Variants in VAV2 observed in about 807,000 individuals in gnomAD.
The protein encoded by VAV2 is vav guanine nucleotide exchange factor 2.
Under a neutral mutation model 132.5 loss-of-function variants are expected in VAV2, and 67 were observed. That is an observed-to-expected ratio of 0.51 (90% CI 0.42 to 0.62). The LOEUF is 0.62. VAV2 is among the 20% of genes least tolerant of loss of function. The pLI is 0.00. For missense variants in VAV2, 938 were observed against 1,153.6 expected (o/e 0.81, Z 2.71); for synonymous variants, 492 against 443.5 (o/e 1.11, Z -1.37).
intron 2 of VAV2, among the ~76,000 whole-genome samples, chr9:133,904,602 C>A (rs4744525): frequency 0.082 from 12,550 of 152,354 alleles, 584 homozygotes; most frequent in Non-Finnish European, 0.11. Flanking sequence ...TGCAGGCATG[C>A]AGCACACCCT....
At chr9:133,847,906 G>A (rs554061742) in intron 3 of VAV2, among the ~76,000 whole-genome samples, 7 of 152,234 alleles carry the variant, frequency 4.6e-5, no homozygotes, top group Non-Finnish European at 7.4e-5. Flanking sequence ...GCCAAAAACC[G>A]TGCTGATCAC....
chr9:133,937,455 CTGAG>C (rs71380204), intron 2 of VAV2, among the ~76,000 whole-genome samples: 20,520 of 148,030 alleles, frequency 0.14, 1,722 homozygotes, highest in Non-Finnish European at 0.19. Flanking sequence ...CTGTGTGTGT[CTGAG>C]TGTGAGTGTG....
chr9:133,973,258 C>T (rs1426349113), intron 1 of VAV2, among the ~76,000 whole-genome samples: 2 of 152,196 alleles, frequency 1.3e-5, no homozygotes, highest in Non-Finnish European at 2.9e-5. Flanking sequence ...CCGCCCAGAG[C>T]GTCAACCCCC....
intron 1 of VAV2, among the ~76,000 whole-genome samples, chr9:133,987,570 G>A (rs1395645121): frequency 6.6e-6 from 1 of 152,272 alleles, no homozygotes; most frequent in African/African-American, 2.4e-5. Flanking sequence ...GTGGAGGTGG[G>A]GGACAGACTC....
rs1839923705 is a variant in VAV2 at position 133,912,632 on chromosome 9, C to T, written c.321+26471G>A. Among the ~76,000 whole-genome samples, 1 of 152,160 alleles carries T rather than the reference C, an allele frequency of 6.6e-6. No homozygotes were observed. The highest frequency in any genetic ancestry group is 6.5e-5 in the Admixed American group (1 of 15,276). ...CGGAACACAAATTACACGTGTGATG[C>T]TCTTCTCCACGTGTGCACAGCACTC... is the stretch of plus-strand genomic sequence containing the variant. On this transcript the variant is annotated intron_variant, in intron 2 of 29. Coordinates refer to ENST00000371850, the MANE Select transcript of VAV2 (RefSeq NM_001134398.2). The surrounding 1 kb of genome is among the most constrained non-coding windows in gnomAD (Gnocchi z 4.3).
chr9:133,886,544 C>T (rs954117441), intron 2 of VAV2, among the ~76,000 whole-genome samples: 3 of 152,178 alleles, frequency 2.0e-5, no homozygotes, highest in South Asian at 2.1e-4. Context: ...GCCTGGGCCC[C>T]GTGTCGGAGT....
At chr9:133,887,718 C>T (rs942957374) in intron 2 of VAV2, among the ~76,000 whole-genome samples, 2 of 152,106 alleles carry the variant, frequency 1.3e-5, no homozygotes, top group African/African-American at 4.8e-5. Flanking sequence ...AGGACACAGA[C>T]CAGAGGGATG....
At chr9:133,785,047 C>A (rs999699294) in intron 17 of VAV2, among the ~76,000 whole-genome samples, 1 of 152,172 alleles carries the variant, frequency 6.6e-6, no homozygotes, top group African/African-American at 2.4e-5. Flanking sequence ...AGGCCTCCCC[C>A]ACAGAGCCTG....
intron 4 of VAV2, among the ~76,000 whole-genome samples, chr9:133,818,060 G>A (rs764419018): frequency 1.3e-5 from 2 of 152,052 alleles, no homozygotes; most frequent in African/African-American, 4.8e-5. Flanking sequence ...GAGGGCCCAC[G>A]TAGAACAAAA....
intron 4 of VAV2, among the ~76,000 whole-genome samples, chr9:133,830,147 C>T (rs1295534010): frequency 2.6e-5 from 4 of 152,188 alleles, no homozygotes; most frequent in African/African-American, 9.7e-5. Context: ...TTGACTTTCC[C>T]CAAACAGCTG....
chr9:133,981,360 A>AC (rs764381891), intron 1 of VAV2, among the ~76,000 whole-genome samples: 1 of 152,126 alleles, frequency 6.6e-6, no homozygotes, highest in Non-Finnish European at 1.5e-5. Flanking sequence ...CCAGGGCTTC[A>AC]CCTTCCACTT....
intron 21 of VAV2, 99 bp from the exon 22 acceptor site, chr9:133,778,988 C>A: frequency 6.6e-7 from 1 of 1,503,816 alleles, no homozygotes; most frequent in East Asian, 2.3e-5. Context: ...GCTCGGCCTC[C>A]CCCAGCACAC....
chr9:133,920,734 C>T (rs1371413825), intron 2 of VAV2, among the ~76,000 whole-genome samples: 1 of 152,072 alleles, frequency 6.6e-6, no homozygotes, highest in Admixed American at 6.5e-5. Flanking sequence ...ACTGTCTCCC[C>T]ACAGCAGGCC....
chr9:133,832,750 G>C (rs1836312516), intron 4 of VAV2, among the ~76,000 whole-genome samples: 1 of 152,046 alleles, frequency 6.6e-6, no homozygotes, highest in Non-Finnish European at 1.5e-5. Flanking sequence ...GTAGAGACAG[G>C]GTTTCACCAT....
Position 133,935,939 on chromosome 9 carries a change from G to A in VAV2, c.321+3164C>T, listed in dbSNP as rs554595219. Among the ~76,000 whole-genome samples the A allele has an allele frequency of 9.2e-5, 14 of 152,328 alleles. No homozygotes were observed. In the South Asian group the frequency reaches 1.9e-3, roughly 20 times the overall value. On this transcript the variant is annotated intron_variant, in intron 2 of 29. Transcript: ENST00000371850. The surrounding 1 kb of genome is among the most constrained non-coding windows in gnomAD (Gnocchi z 5.2). ...CTGACACACCACAGGCCACATTCACGCGGGCTCCAGGAGGCAAAGGGCATG... is the reference window on the plus strand; with the variant it reads ...CTGACACACCACAGGCCACATTCACACGGGCTCCAGGAGGCAAAGGGCATG...
intron 2 of VAV2, among the ~76,000 whole-genome samples, chr9:133,915,936 A>G (rs1404301460): frequency 2.7e-5 from 4 of 150,288 alleles, no homozygotes; most frequent in Non-Finnish European, 5.9e-5. Context: ...CATGCACACG[A>G]TGTACATGTA....
chr9:133,907,621 T>G (rs1839706829), intron 2 of VAV2, among the ~76,000 whole-genome samples: 1 of 152,220 alleles, frequency 6.6e-6, no homozygotes. Context: ...GAATCAAAAC[T>G]GATTTATGGA....
At chr9:133,930,144 G>A (rs1397993115) in intron 2 of VAV2, among the ~76,000 whole-genome samples, 3 of 152,196 alleles carry the variant, frequency 2.0e-5, no homozygotes, top group African/African-American at 7.2e-5. Context: ...CTGCTGGTCA[G>A]CGCCCTCCCC....
intron 29 of VAV2, 143 bp from the exon 30 acceptor site, chr9:133,764,252 G>A: frequency 9.7e-7 from 1 of 1,031,594 alleles, no homozygotes; most frequent in Non-Finnish European, 1.4e-6. Flanking sequence ...GAAGGACCTG[G>A]TGGAACCATT....
Sources: gnomAD v4.1 joint callset for allele counts (sites outside exome capture counted in the v4.1 genomes callset) on GRCh38, gnomAD v4.1.1 for gene constraint, Gnocchi (gnomAD v3.1) non-coding constraint, MANE v1.5 for transcripts, NCBI Gene and HGNC (gene_info 2026-07-23, HGNC 2026-07-21) for gene names.